The following SUSD1 variants were observed in gnomAD, a reference collection of about 807,000 sequenced individuals.
SUSD1 encodes the protein sushi domain-containing protein 1.
A neutral mutation model predicts 86.9 loss-of-function variants in SUSD1; 65 were observed. That is an observed-to-expected ratio of 0.75 (90% CI 0.61 to 0.92). The LOEUF is 0.92. Among genes scored for constraint, SUSD1 ranks in the 40% least tolerant of loss-of-function variants. SUSD1 has a pLI of 0.00. For synonymous variants in SUSD1, 346 were observed against 350.0 expected, an observed-to-expected ratio of 0.99 and a Z score of 0.13; for missense variants, 850 against 929.7, an observed-to-expected ratio of 0.91 and a Z score of 1.11.
chr9:112,082,425 A>T (rs1434514758), intron 10 of SUSD1, among the ~76,000 whole-genome samples: 1 of 152,212 alleles, frequency 6.6e-6, no homozygotes, highest in African/African-American at 2.4e-5. Context: ...GCTCAATGTG[A>T]TTACAAACAT....
chr9:112,056,030 G>T (rs577949731), intron 14 of SUSD1, among the ~76,000 whole-genome samples: 2 of 152,222 alleles, frequency 1.3e-5, no homozygotes, highest in Admixed American at 1.3e-4. Context: ...GGAGGTCAAG[G>T]TGGGAGGATC....
chr9:112,165,921 G>GA (rs55737404), intron 1 of SUSD1, among the ~76,000 whole-genome samples: 7,400 of 64,262 alleles, frequency 0.12, 367 homozygotes, highest in African/African-American at 0.19. Flanking sequence ...AAGGAAGAAA[G>GA]AAAAGAAAGA....
chr9:112,165,025 T>C (rs765091723), intron 1 of SUSD1, among the ~76,000 whole-genome samples: 5 of 152,252 alleles, frequency 3.3e-5, no homozygotes, highest in Non-Finnish European at 7.3e-5. Flanking sequence ...TCCAATTCAG[T>C]TGGTCTGGGG....
chr9:112,164,801 G>A (rs150940591), intron 1 of SUSD1, among the ~76,000 whole-genome samples: 135 of 152,178 alleles, frequency 8.9e-4, no homozygotes, highest in African/African-American at 3.1e-3. Context: ...AAAACTAGCC[G>A]GGTTTGGTGG....
intron 1 of SUSD1, among the ~76,000 whole-genome samples, chr9:112,163,132 A>C (rs1258340508): frequency 1.3e-5 from 2 of 151,968 alleles, no homozygotes; most frequent in Non-Finnish European, 2.9e-5. Context: ...CACACCTGTA[A>C]TCTCATCACT....
chr9:112,125,249 A>G (rs1297012122), intron 5 of SUSD1, among the ~76,000 whole-genome samples: 1 of 152,226 alleles, frequency 6.6e-6, no homozygotes, highest in Non-Finnish European at 1.5e-5. Flanking sequence ...AGATGTATGG[A>G]TGTCTCCATA....
intron 3 of SUSD1, among the ~76,000 whole-genome samples, chr9:112,145,502 G>A (rs959479988): frequency 6.6e-6 from 1 of 151,938 alleles, no homozygotes; most frequent in African/African-American, 2.4e-5. Flanking sequence ...GGCTGGTCTC[G>A]AACTCCCGAC....
At chr9:112,119,354 T>C (rs977910491) in intron 6 of SUSD1, among the ~76,000 whole-genome samples, 2 of 152,194 alleles carry the variant, frequency 1.3e-5, no homozygotes, top group Non-Finnish European at 2.9e-5. Flanking sequence ...CTGACCTTTC[T>C]GTTCCATCTG....
intron 16 of SUSD1, 69 bp downstream of exon 16, chr9:112,041,798 G>A (rs1827749750): frequency 2.0e-6 from 3 of 1,480,190 alleles, no homozygotes; most frequent in Middle Eastern, 4.1e-4. Flanking sequence ...ATCCCCAGCT[G>A]TTCTTCGTGA....
chr9:112,104,255 C>G (rs1830743303), intron 8 of SUSD1, among the ~76,000 whole-genome samples: 1 of 151,898 alleles, frequency 6.6e-6, no homozygotes, highest in Admixed American at 6.6e-5. Flanking sequence ...TAGACTCAAG[C>G]CAACCACCTG....
intron 1 of SUSD1, among the ~76,000 whole-genome samples, chr9:112,169,050 C>T (rs1193637674): frequency 6.6e-6 from 1 of 152,052 alleles, no homozygotes. Context: ...AGAGATTGCA[C>T]CAAATTCCAG....
At chr9:112,083,336 T>C (rs1205217089) in intron 10 of SUSD1, among the ~76,000 whole-genome samples, 1 of 151,958 alleles carries the variant, frequency 6.6e-6, no homozygotes, top group Non-Finnish European at 1.5e-5. Flanking sequence ...CAAGCAATTC[T>C]CCTGCCTCAG....
intron 2 of SUSD1, among the ~76,000 whole-genome samples, chr9:112,151,522 G>A (rs10117147): frequency 0.22 from 33,951 of 151,562 alleles, 4,044 homozygotes; most frequent in Non-Finnish European, 0.28. Flanking sequence ...GCTTGAACCC[G>A]GGAAGTGGAG....
At chr9:112,153,981 C>G (rs1215592490) in intron 2 of SUSD1, among the ~76,000 whole-genome samples, 3 of 152,036 alleles carry the variant, frequency 2.0e-5, no homozygotes, top group Non-Finnish European at 1.5e-5. Flanking sequence ...TTTGCTTATA[C>G]CAGCATCACT....
At chr9:112,062,193 C>T (rs1190605767) in intron 13 of SUSD1, among the ~76,000 whole-genome samples, 13 of 152,152 alleles carry the variant, frequency 8.5e-5, no homozygotes, top group Non-Finnish European at 1.8e-4. Flanking sequence ...CAAGATCAAC[C>T]TTACATAAAG....
At chr9:112,168,417 G>T (rs1175794095) in intron 1 of SUSD1, among the ~76,000 whole-genome samples, 2 of 152,112 alleles carry the variant, frequency 1.3e-5, no homozygotes, top group African/African-American at 2.4e-5. Context: ...GGTAACAGCT[G>T]ACTCAGAAGT....
Position 112,098,512 on chromosome 9 carries a change from TAGG to T in SUSD1, c.1429_1431del (p.Pro477del), listed in dbSNP as rs755415273. On this transcript the variant is annotated inframe_deletion, in exon 10 of 17. Transcript: ENST00000374270. ...ATTGTTATTTGCACTGAGTGCCGCT[TAGG>T]AGATCTCAGCAGGGTCACATTCACC... is the stretch of plus-strand genomic sequence containing the variant. The T allele has an allele frequency of 2.0e-5, 33 of 1,614,052 alleles. No homozygotes were observed. The highest frequency in any genetic ancestry group is 1.9e-4 in the African/African-American group (14 of 74,920).
intron 5 of SUSD1, among the ~76,000 whole-genome samples, chr9:112,141,469 G>C (rs768733082): frequency 1.8e-4 from 27 of 152,022 alleles, no homozygotes; most frequent in Non-Finnish European, 3.5e-4. Flanking sequence ...TTAAGGTCAG[G>C]AGTTCAAGAC....
chr9:112,062,763 G>T (rs535975800), intron 13 of SUSD1, among the ~76,000 whole-genome samples, 174 bp downstream of exon 13: 1 of 152,086 alleles, frequency 6.6e-6, no homozygotes. Context: ...AAAGGATGCT[G>T]GTTGGGATTA....
Sources: allele counts gnomAD v4.1 joint callset (sites outside exome capture counted in the v4.1 genomes callset), GRCh38; gene constraint gnomAD v4.1.1; transcripts MANE v1.5; gene names NCBI Gene and HGNC (gene_info 2026-07-23, HGNC 2026-07-21).